Variants in ARHGAP20 observed in about 807,000 individuals in gnomAD.
ARHGAP20 encodes the protein Rho GTPase activating protein 20, also known as rho GTPase-activating protein 20.
ARHGAP20 carries 34 observed loss-of-function variants against 73.7 expected under a neutral mutation model. The ratio of observed to expected loss-of-function variants is 0.46; its 90% CI spans 0.35 to 0.61. The LOEUF (loss-of-function observed/expected upper bound fraction) is 0.61, where lower values mean the gene tolerates loss of function less well. ARHGAP20 is among the 20% of genes least tolerant of loss of function. The probability of loss-of-function intolerance (pLI) is 0.00; values close to 1 mark genes in which losing one functional copy is unlikely to be tolerated. For synonymous variants in ARHGAP20, 523 were observed against 518.2 expected (o/e 1.01, Z -0.13); for missense variants, 1,314 against 1,420.9 (o/e 0.92, Z 1.21).
rs1169368268 is a variant in ARHGAP20, at chr11:110,582,340, G to A, written c.1701C>T (p.Asp567=). Residue 567 remains aspartate (D), a synonymous_variant, in exon 14 of 15, where the codon GAC becomes GAT. Coordinates refer to ENST00000683387, the MANE Select transcript of ARHGAP20 (RefSeq NM_001384657.1). ...CAATACCTGAGGCATTCTCTCTAGT[G>A]TCACATCTCACTGAAACCTCTCTGA... ...SLFREVSVRC[D]TRENASDISC... 11 of 1,610,768 alleles carry A rather than the reference G, an allele frequency of 6.8e-6. No homozygotes were observed. The highest frequency in any genetic ancestry group is 6.8e-6 in the Non-Finnish European group (8 of 1,177,118).
rs185080458 is a variant in ARHGAP20, at chr11:110,581,289, A to G, written c.1721-64T>C. 1.2e-3 allele frequency: 1,695 copies of G among 1,443,584 alleles called. 9 individuals are homozygous for G. In the African/African-American group the frequency reaches 0.024, roughly 20 times the overall value. The allele number at this position is 1,443,584 out of a possible 1,614,324, so 89.4% of individuals were successfully genotyped here. ...ACCACAAATATACTCATGCTTCCTT[A>G]AGAACAAATTCTCTTTTCATGTGAA... On this transcript the variant is annotated intron_variant, in intron 14 of 14. Coordinates refer to ENST00000683387, the MANE Select transcript of ARHGAP20 (RefSeq NM_001384657.1).
chr11:110,676,229 A>T (rs1949926379), intron 2 of ARHGAP20, among the ~76,000 whole-genome samples: 1 of 152,216 alleles, frequency 6.6e-6, no homozygotes. Context: ...CATGTTTGTC[A>T]TCAGTTTTAA....
intron 3 of ARHGAP20, among the ~76,000 whole-genome samples, chr11:110,625,490 C>G (rs1001140554): frequency 1.3e-5 from 2 of 151,942 alleles, no homozygotes; most frequent in African/African-American, 4.8e-5. Context: ...AATTTCATTT[C>G]TTAGATTTTG....
At chr11:110,604,642 C>A (rs994932192) in intron 9 of ARHGAP20, among the ~76,000 whole-genome samples, 1 of 152,058 alleles carries the variant, frequency 6.6e-6, no homozygotes, top group African/African-American at 2.4e-5. Flanking sequence ...ATGGAAAGAC[C>A]ATGATATCTC....
intron 4 of ARHGAP20, 124 bp downstream of exon 4, chr11:110,624,038 C>A (rs1591323545): frequency 7.7e-7 from 1 of 1,291,068 alleles, no homozygotes. Flanking sequence ...AATATGGAAT[C>A]AGAATAAAAT....
Position 110,618,602 on chromosome 11 carries a change from GAT to G in ARHGAP20, c.504-3010_504-3009del, listed in dbSNP as rs1301825829. Among the ~76,000 whole-genome samples, 4 of 151,958 alleles carry G rather than the reference GAT, an allele frequency of 2.6e-5. No homozygotes were observed. The East Asian group carries it at 5.8e-4, about 22-fold the overall frequency. ...TATGTAGTGATAGAGTATATGCAGTGATAGAGTATATGCAGTGATAGAGTATA... is the reference window on the plus strand; with the variant it reads ...TATGTAGTGATAGAGTATATGCAGTGAGAGTATATGCAGTGATAGAGTATA... On this transcript the variant is annotated intron_variant, in intron 4 of 14. Coordinates refer to ENST00000683387, the MANE Select transcript of ARHGAP20 (RefSeq NM_001384657.1).
chr11:110,589,466 C>T, intron 11 of ARHGAP20: 2 of 985,408 alleles, frequency 2.0e-6, no homozygotes, highest in Non-Finnish European at 2.4e-6. Flanking sequence ...TCTTCTTCAC[C>T]ATATTTTCCT....
chr11:110,689,720 T>G (rs909245880), intron 2 of ARHGAP20, among the ~76,000 whole-genome samples: 9 of 152,102 alleles, frequency 5.9e-5, no homozygotes, highest in African/African-American at 2.2e-4. Context: ...GCTAAAGTAT[T>G]AATTGGTCAC....
chr11:110,708,018 C>T (rs917960162), intron 1 of ARHGAP20, among the ~76,000 whole-genome samples: 2 of 151,186 alleles, frequency 1.3e-5, no homozygotes, highest in Non-Finnish European at 2.9e-5. Context: ...TAAGAACTTC[C>T]GTTCTTTTGA....
chr11:110,649,742 C>A (rs1371119134), intron 2 of ARHGAP20, among the ~76,000 whole-genome samples: 1 of 152,050 alleles, frequency 6.6e-6, no homozygotes, highest in Non-Finnish European at 1.5e-5. Flanking sequence ...TATTGCAAAG[C>A]CAGACCTGGA....
chr11:110,625,086 G>A (rs535661541), intron 3 of ARHGAP20, among the ~76,000 whole-genome samples: 26 of 146,594 alleles, frequency 1.8e-4, no homozygotes, highest in Middle Eastern at 3.5e-3. Context: ...GCCGGACTGC[G>A]GACTGCAGTG....
chr11:110,653,508 A>G (rs189670917), intron 2 of ARHGAP20, among the ~76,000 whole-genome samples: 19 of 152,368 alleles, frequency 1.2e-4, no homozygotes, highest in African/African-American at 4.3e-4. Flanking sequence ...AATGCAAATC[A>G]AAACCACAAT....
At chr11:110,589,504 G>A (rs1947766551) in intron 11 of ARHGAP20, 2 of 985,408 alleles carry the variant, frequency 2.0e-6, no homozygotes, top group African/African-American at 3.5e-5. Flanking sequence ...TTCAGCCTGA[G>A]ATACAGGCTG....
chr11:110,697,465 T>G (rs1950358354), intron 1 of ARHGAP20, among the ~76,000 whole-genome samples: 2 of 151,846 alleles, frequency 1.3e-5, no homozygotes, highest in South Asian at 4.1e-4. Context: ...CCTTGTAAGT[T>G]CTGGATACTA....
intron 2 of ARHGAP20, among the ~76,000 whole-genome samples, chr11:110,671,608 C>T (rs542762222): frequency 2.5e-4 from 38 of 152,070 alleles, no homozygotes; most frequent in Non-Finnish European, 4.9e-4. Context: ...GAAAAATCTA[C>T]ATTAAAGCTA....
At chr11:110,665,274 C>G (rs997019462) in intron 2 of ARHGAP20, among the ~76,000 whole-genome samples, 8 of 152,044 alleles carry the variant, frequency 5.3e-5, no homozygotes, top group African/African-American at 1.9e-4. Context: ...AATCAATAAT[C>G]TGAGTTTTCA....
At chr11:110,704,616 A>G (rs893252369) in intron 1 of ARHGAP20, among the ~76,000 whole-genome samples, 2 of 152,200 alleles carry the variant, frequency 1.3e-5, no homozygotes, top group African/African-American at 4.8e-5. Flanking sequence ...GGTTGACCGA[A>G]GGCAATCATC....
At chr11:110,663,826 T>A (rs1478932969) in intron 2 of ARHGAP20, among the ~76,000 whole-genome samples, 2 of 152,230 alleles carry the variant, frequency 1.3e-5, no homozygotes, top group East Asian at 3.9e-4. Flanking sequence ...ACACCTCTCA[T>A]GAATACAGAG....
chr11:110,581,343 G>C (rs910657957), intron 14 of ARHGAP20, 118 bp from the exon 15 acceptor site: 1 of 1,121,244 alleles, frequency 8.9e-7, no homozygotes. Flanking sequence ...TCAAGAAAGA[G>C]AGAATCTTTC....
Sources: allele counts gnomAD v4.1 joint callset (sites outside exome capture counted in the v4.1 genomes callset), GRCh38; gene constraint gnomAD v4.1.1; transcripts MANE v1.5; gene names NCBI Gene and HGNC (gene_info 2026-07-23, HGNC 2026-07-21).